PIK3C2B: variants seen among roughly 807,000 people sequenced by gnomAD.
PIK3C2B encodes phosphatidylinositol-4-phosphate 3-kinase catalytic subunit type 2 beta.
In PIK3C2B, 83 loss-of-function variants were observed where a neutral mutation model predicts 184.3. That is an observed-to-expected ratio of 0.45 (90% CI 0.38 to 0.54). The LOEUF is 0.54. Ranked by LOEUF, PIK3C2B falls within the 20% of genes least tolerant of loss-of-function variation. The pLI is 0.00. For synonymous variants in PIK3C2B, 779 were observed against 837.6 expected, an observed-to-expected ratio of 0.93 and a Z score of 1.21; for missense variants, 1,736 against 2,113.5, an observed-to-expected ratio of 0.82 and a Z score of 3.50.
Position 204,447,609 on chromosome 1 carries a change from GAA to G in PIK3C2B, c.2347-33_2347-32del, listed in dbSNP as rs763629723. On this transcript the variant is annotated intron_variant, in intron 14 of 32. Transcript: ENST00000684373. This position sits in a 1 kb window ranked among gnomAD's most constrained non-coding sequence, Gnocchi z 4.1. ...GGATGAGATCAGGGATGTGAGGAGA[GAA>G]AACAGGCAGCGTGTGTGGACTCCCA... 1 of 1,573,156 alleles carries G rather than the reference GAA, an allele frequency of 6.4e-7. No homozygotes were observed. The highest frequency in any genetic ancestry group is 1.7e-5 in the Admixed American group (1 of 59,686).
At chr1:204,443,343 C>A in intron 19 of PIK3C2B, 74 bp downstream of exon 19, 2 of 1,436,888 alleles carry the variant, frequency 1.4e-6, no homozygotes. Flanking sequence ...TCTTGTTGTT[C>A]AGGATTCCTA....
At chr1:204,446,893 G>C (rs565223386) in intron 15 of PIK3C2B, among the ~76,000 whole-genome samples, 41 of 152,264 alleles carry the variant, frequency 2.7e-4, no homozygotes, top group Non-Finnish European at 4.3e-4. Flanking sequence ...AGCGGAACCA[G>C]GTCCCTCCAG....
chr1:204,435,164 A>T (rs758521244), intron 23 of PIK3C2B, among the ~76,000 whole-genome samples: 8 of 152,202 alleles, frequency 5.3e-5, no homozygotes, highest in Non-Finnish European at 1.2e-4. Flanking sequence ...TCCAAAGAAG[A>T]GCTGAGGCAG....
chr1:204,428,405 T>C (rs890158387), intron 29 of PIK3C2B, among the ~76,000 whole-genome samples, 185 bp from the exon 30 acceptor site: 3 of 152,220 alleles, frequency 2.0e-5, no homozygotes, highest in African/African-American at 4.8e-5. Context: ...TAGGGAAATT[T>C]TGAATATGGA....
chr1:204,431,312 C>T (rs558036899), intron 28 of PIK3C2B: 4 of 277,704 alleles, frequency 1.4e-5, no homozygotes, highest in African/African-American at 2.2e-5. Context: ...TTACCCGTGT[C>T]GAAATCTCCC....
At chr1:204,467,857 A>G (rs1273704681) in intron 2 of PIK3C2B, among the ~76,000 whole-genome samples, 2 of 149,590 alleles carry the variant, frequency 1.3e-5, no homozygotes, top group African/African-American at 5.0e-5. Context: ...AAAAGAAGGC[A>G]TCAGCCATGG....
At chr1:204,429,783 G>A in intron 29 of PIK3C2B, 138 bp downstream of exon 29, 1 of 660,742 alleles carries the variant, frequency 1.5e-6, no homozygotes, top group Non-Finnish European at 2.7e-6. Context: ...GCAGACTGGA[G>A]CATTGGTCAT....
chr1:204,436,736 T>C (rs1675366338), intron 23 of PIK3C2B, among the ~76,000 whole-genome samples: 1 of 152,232 alleles, frequency 6.6e-6, no homozygotes, highest in Non-Finnish European at 1.5e-5. Context: ...CATTTACACA[T>C]ATATGACTAT....
chr1:204,441,956 C>T lies in PIK3C2B; in HGVS notation c.3157-393G>A, dbSNP rs140337726. ...GAAATGCCATAACCAACATTAAGCA[C>T]TCAGAACAGGGCCGGGCACAGAGAG... On this transcript the variant is annotated intron_variant, in intron 20 of 32. Transcript: ENST00000684373. 4.6e-3 allele frequency among the ~76,000 whole-genome samples: 697 copies of T among 152,286 alleles called. 3 individuals carry two copies. The highest frequency in any genetic ancestry group is 8.6e-3 in the Non-Finnish European group (582 of 68,032).
At chr1:204,474,309 T>C (rs561960030) in intron 1 of PIK3C2B, among the ~76,000 whole-genome samples, 74 of 152,288 alleles carry the variant, frequency 4.9e-4, no homozygotes, top group African/African-American at 1.7e-3. Flanking sequence ...CTTTTTGTCC[T>C]CTCTGTTCAT....
intron 1 of PIK3C2B, among the ~76,000 whole-genome samples, chr1:204,490,583 G>T (rs961858401): frequency 3.9e-5 from 6 of 152,134 alleles, no homozygotes; most frequent in Admixed American, 6.6e-5. Context: ...TCAGGGAAGT[G>T]ATGGCCCAGG....
rs768396093 is a variant in PIK3C2B, at chr1:204,424,459, A to T, written c.*393T>A. The T allele has an allele frequency of 9.0e-5, 32 of 357,374 alleles. 1 individual carries two copies. Among genetic ancestry groups the T allele is most frequent in the South Asian group, 7.0e-4 (32 of 45,826 alleles). The allele number at this position is 357,374 out of a possible 1,614,324, so 22.1% of individuals were successfully genotyped here. The stretch of plus-strand genomic sequence containing the variant: ...CCCTTCTCGCAAGGCTTCCTGTCCC[A>T]GTTAGGACAACATCACTATTTCATT... On this transcript the variant is annotated 3_prime_UTR_variant, in exon 33 of 33. Coordinates refer to ENST00000684373, the MANE Select transcript of PIK3C2B (RefSeq NM_001377334.1).
chr1:204,476,644 T>TC (rs1656735122), intron 1 of PIK3C2B, among the ~76,000 whole-genome samples: 1 of 152,228 alleles, frequency 6.6e-6, no homozygotes, highest in Admixed American at 6.5e-5. Flanking sequence ...GCCATGTCGG[T>TC]CCCTTGAAAG....
intron 1 of PIK3C2B, among the ~76,000 whole-genome samples, chr1:204,491,881 AGC>A (rs1251650455): frequency 6.6e-6 from 1 of 152,210 alleles, no homozygotes; most frequent in Non-Finnish European, 1.5e-5. Context: ...TATAGGCAGT[AGC>A]CAGCCTTTGG....
chr1:204,429,299 T>A lies in PIK3C2B; in HGVS notation c.4398+622A>T, dbSNP rs61758005. On this transcript the variant is annotated intron_variant, in intron 29 of 32. Transcript: ENST00000684373. ...GGAAAAAAAACACATACTCTAAATATCTTTCAAAAATAAAATGGTTAAGAT... is the reference window on the plus strand; with the variant it reads ...GGAAAAAAAACACATACTCTAAATAACTTTCAAAAATAAAATGGTTAAGAT... Among the ~76,000 whole-genome samples, 761 of 152,228 alleles carry A rather than the reference T, an allele frequency of 5.0e-3. 4 individuals carry two copies. The highest frequency in any genetic ancestry group is 0.017 in the African/African-American group (714 of 41,532).
Position 204,433,245 on chromosome 1 carries a change from C to T in PIK3C2B, c.3953+71G>A, listed in dbSNP as rs770304349. 31 of 852,934 alleles carry T rather than the reference C, an allele frequency of 3.6e-5. No homozygotes were observed. Among genetic ancestry groups the T allele is most frequent in the Non-Finnish European group, 5.1e-5 (26 of 508,804 alleles). The allele number at this position is 852,934 out of a possible 1,614,324, so 52.8% of individuals were successfully genotyped here. The stretch of plus-strand genomic sequence containing the variant: ...AGCTTTTCACCTTTCCCCAGTCCTC[C>T]TCCTGCCAATCCGGCAGGCTGGGAA... On this transcript the variant is annotated intron_variant, in intron 26 of 32. Transcript: ENST00000684373. The surrounding 1 kb of genome is among the most constrained non-coding windows in gnomAD (Gnocchi z 5.0).
Position 204,432,208 on chromosome 1 carries a change from T to G in PIK3C2B, c.4147A>C (p.Lys1383Gln), listed in dbSNP as rs964903382. ...CRHEKIFHPN[K>Q]GYIYVVKVMR... ...TTGGAGAAAACACTTACATAGCCTT[T>G]GTTGGGGTGGAAGATCTTCTCATGG... The change falls in exon 27 of 33, where the codon AAA (lysine) becomes CAA (glutamine). Residue 1383 changes from lysine (K) to glutamine (Q), a missense_variant. By Grantham distance (53) the Lys-to-Gln change is moderately conservative (BLOSUM62 1). Around this residue, in one of 8 missense-constraint regions of PIK3C2B, gnomAD observed 200 missense variants for 199.1 expected, o/e 1.00. Coordinates refer to ENST00000684373, the MANE Select transcript of PIK3C2B (RefSeq NM_001377334.1). 1 of 1,613,466 alleles carries G rather than the reference T, an allele frequency of 6.2e-7. No individual in the cohort carries two copies. The highest frequency in any genetic ancestry group is 8.5e-7 in the Non-Finnish European group (1 of 1,179,678).
chr1:204,469,674 G>A lies in PIK3C2B; in HGVS notation c.129C>T (p.Asp43=), dbSNP rs756318841. 1.9e-6 allele frequency: 3 copies of A among 1,614,094 alleles called. No homozygotes were observed. The highest frequency in any genetic ancestry group is 2.5e-6 in the Non-Finnish European group (3 of 1,180,010). Residue 43 remains aspartate, a synonymous_variant, in exon 2 of 33, where the codon GAC becomes GAT. Transcript: ENST00000684373. ...TCTGCTTGGCTCTGTTCTCCTCCTT[G>A]TCATGCCGGAGCCGGGACAGGGCAT... ...EYDALSRLRH[D]KEENRAKQNA... is the part of the protein sequence containing the mutation.
intron 15 of PIK3C2B, among the ~76,000 whole-genome samples, chr1:204,446,781 G>A (rs1426486817): frequency 6.6e-6 from 1 of 152,144 alleles, no homozygotes; most frequent in African/African-American, 2.4e-5. Context: ...TACTTGGGGT[G>A]GACATCAGGG....
Sources: gnomAD v4.1 joint callset for allele counts (sites outside exome capture counted in the v4.1 genomes callset) on GRCh38, gnomAD v4.1.1 for gene constraint, gnomAD v4.1.1 regional missense constraint, Gnocchi (gnomAD v3.1) non-coding constraint, MANE v1.5 for transcripts, NCBI Gene and HGNC (gene_info 2026-07-23, HGNC 2026-07-21) for gene names.